AKAP6: variants seen among roughly 807,000 people sequenced by gnomAD.
AKAP6 encodes the protein A-kinase anchoring protein 6.
AKAP6 carries 58 observed loss-of-function variants against 188.5 expected under a neutral mutation model. The observed-to-expected ratio is 0.31, with a 90% CI of 0.25 to 0.38. The LOEUF (loss-of-function observed/expected upper bound fraction) is 0.38, where lower values mean the gene tolerates loss of function less well. AKAP6 is among the 10% of genes least tolerant of loss of function. The pLI, the probability that AKAP6 is intolerant of heterozygous loss-of-function variation, is 1.00. For missense variants in AKAP6, 2,710 were observed against 2,740.0 expected (o/e 0.99, Z 0.24); for synonymous variants, 989 against 998.6 (o/e 0.99, Z 0.18).
intron 8 of AKAP6, among the ~76,000 whole-genome samples, chr14:32,681,485 T>C (rs1889674282): frequency 6.6e-6 from 1 of 152,142 alleles, no homozygotes; most frequent in Non-Finnish European, 1.5e-5. Context: ...ATCTGGACTC[T>C]TAATAAGCTT....
rs2034837037 is a variant in AKAP6, at chr14:32,832,954, AT to A, written c.*3150del. The A allele has an allele frequency of 6.6e-6, 1 of 152,662 alleles. No individual in the cohort carries two copies. Among genetic ancestry groups the A allele is most frequent in the South Asian group, 2.1e-4 (1 of 4,834 alleles). The allele number at this position is 152,662 out of a possible 1,614,324, so 9.5% of individuals were successfully genotyped here. ...TAAGGAACTGTCTTCATCATCATAC[AT>A]GTAGAAAAGAATCTGAACATTTAAG... On this transcript the variant is annotated 3_prime_UTR_variant, in exon 14 of 14. Transcript: ENST00000280979.
At chr14:32,392,503 A>G (rs2031106) in intron 1 of AKAP6, among the ~76,000 whole-genome samples, 119,598 of 152,090 alleles carry the variant, frequency 0.79, 48,902 homozygotes, top group Admixed American at 0.9. Context: ...AGTTCTGTCC[A>G]CTGAGAGTCC....
intron 7 of AKAP6, among the ~76,000 whole-genome samples, chr14:32,609,741 G>T (rs1004106701): frequency 5.9e-5 from 9 of 152,094 alleles, no homozygotes; most frequent in South Asian, 2.1e-4. Context: ...AAAGAACGAA[G>T]CATGTGTCCA....
chr14:32,725,255 T>G (rs2030812122), intron 9 of AKAP6, among the ~76,000 whole-genome samples: 1 of 152,154 alleles, frequency 6.6e-6, no homozygotes, highest in African/African-American at 2.4e-5. Flanking sequence ...AGAGCATTCA[T>G]TTTACTTTTT....
intron 12 of AKAP6, among the ~76,000 whole-genome samples, chr14:32,797,503 A>G (rs1233490528): frequency 6.6e-6 from 1 of 152,202 alleles, no homozygotes; most frequent in Non-Finnish European, 1.5e-5. Context: ...TCAGCAATGT[A>G]ATGCAGGAAC....
intron 1 of AKAP6, among the ~76,000 whole-genome samples, chr14:32,404,198 A>G (rs1889195604): frequency 6.6e-6 from 1 of 152,164 alleles, no homozygotes; most frequent in South Asian, 2.1e-4. Flanking sequence ...TGGAAAAGGA[A>G]AAAATGAAAT....
At chr14:32,548,983 G>T (rs749270805) in intron 4 of AKAP6, among the ~76,000 whole-genome samples, 1 of 152,128 alleles carries the variant, frequency 6.6e-6, no homozygotes, top group African/African-American at 2.4e-5. Flanking sequence ...CTGGATAAAG[G>T]TATAGTGCAT....
At chr14:32,348,670 C>T (rs912055703) in intron 1 of AKAP6, among the ~76,000 whole-genome samples, 4 of 152,100 alleles carry the variant, frequency 2.6e-5, no homozygotes, top group Non-Finnish European at 4.4e-5. Flanking sequence ...ATGTTGGCCT[C>T]CCAAAGTGCT....
At chr14:32,788,370 C>T (rs1384029733) in intron 12 of AKAP6, among the ~76,000 whole-genome samples, 1 of 152,086 alleles carries the variant, frequency 6.6e-6, no homozygotes, top group Admixed American at 6.6e-5. Flanking sequence ...TTCAAGATGG[C>T]CAATTAGAAG....
intron 2 of AKAP6, among the ~76,000 whole-genome samples, chr14:32,458,685 C>T (rs998015627): frequency 1.3e-4 from 20 of 151,804 alleles, no homozygotes; most frequent in African/African-American, 4.8e-4. Flanking sequence ...GAAAATGATA[C>T]CTAATATTTC....
intron 1 of AKAP6, among the ~76,000 whole-genome samples, chr14:32,392,265 G>A (rs942978831): frequency 2.6e-4 from 39 of 152,144 alleles, no homozygotes; most frequent in Admixed American, 6.6e-4. Context: ...GTCCTTTAGA[G>A]CAATTAAGTA....
At chr14:32,710,265 A>G (rs918664806) in intron 9 of AKAP6, among the ~76,000 whole-genome samples, 3 of 151,218 alleles carry the variant, frequency 2.0e-5, no homozygotes, top group Non-Finnish European at 2.9e-5. Flanking sequence ...TGCGTAATAT[A>G]TTATTTATGT....
In AKAP6 at chr14:32,811,255, A is replaced by AAAAAAAAAAAAAAAT. The variant is rs546819675; in HGVS notation, c.3589-10146_3589-10145insAAAAAAAAAAAAATA. On this transcript the variant is annotated intron_variant, in intron 12 of 13. Transcript: ENST00000280979. ...CTCCGTCTCAGGAAAAAAAAAAAAA[A>AAAAAAAAAAAAAAAT]AGTTGAAAAACAGACTAAGATAATG... 9.5e-3 allele frequency among the ~76,000 whole-genome samples: 1,126 copies of AAAAAAAAAAAAAAAT among 118,208 alleles called. 105 individuals are homozygous for AAAAAAAAAAAAAAAT. The highest frequency in any genetic ancestry group is 0.016 in the Non-Finnish European group (897 of 56,342). The allele number at this position is 118,208 out of a possible 152,430, so 77.5% of individuals were successfully genotyped here.
At chr14:32,645,774 C>A (rs1887961730) in intron 7 of AKAP6, among the ~76,000 whole-genome samples, 1 of 152,126 alleles carries the variant, frequency 6.6e-6, no homozygotes, top group Non-Finnish European at 1.5e-5. Flanking sequence ...AGGATCAGAG[C>A]CTGGCAGGGA....
chr14:32,514,891 G>A (rs1881439793), intron 2 of AKAP6, among the ~76,000 whole-genome samples: 1 of 152,116 alleles, frequency 6.6e-6, no homozygotes, highest in African/African-American at 2.4e-5. Context: ...CATTAATCCT[G>A]GAGTGAAGGT....
chr14:32,543,731 T>C (rs991855412), intron 3 of AKAP6, among the ~76,000 whole-genome samples: 6 of 152,298 alleles, frequency 3.9e-5, no homozygotes, highest in Admixed American at 3.3e-4. Context: ...GGTGGGGGCA[T>C]GCCAGTTTAA....
At chr14:32,453,840 C>T (rs1891031936) in intron 2 of AKAP6, among the ~76,000 whole-genome samples, 1 of 151,882 alleles carries the variant, frequency 6.6e-6, no homozygotes, top group African/African-American at 2.4e-5. Flanking sequence ...CCGCCTCGGC[C>T]TCCCAAAGTG....
chr14:32,656,104 A>C (rs1342933281), intron 7 of AKAP6, among the ~76,000 whole-genome samples: 1 of 152,186 alleles, frequency 6.6e-6, no homozygotes, highest in African/African-American at 2.4e-5. Flanking sequence ...CAACAGAACT[A>C]ATTTGGATTT....
chr14:32,392,554 T>C (rs1311601873), intron 1 of AKAP6, among the ~76,000 whole-genome samples: 1 of 152,186 alleles, frequency 6.6e-6, no homozygotes, highest in Non-Finnish European at 1.5e-5. Flanking sequence ...CACTCCTAGC[T>C]AAGATCTTGG....
Sources: allele counts gnomAD v4.1 joint callset (sites outside exome capture counted in the v4.1 genomes callset), GRCh38; gene constraint gnomAD v4.1.1; transcripts MANE v1.5; gene names NCBI Gene and HGNC (gene_info 2026-07-23, HGNC 2026-07-21).